GTF3C5: variants seen among roughly 807,000 people sequenced by gnomAD.
GTF3C5 encodes general transcription factor 3C polypeptide 5.
GTF3C5 carries 47 observed loss-of-function variants against 61.0 expected under a neutral mutation model. The ratio of observed to expected loss-of-function variants is 0.77; its 90% CI spans 0.61 to 0.98. The LOEUF (loss-of-function observed/expected upper bound fraction) is 0.98, where lower values mean the gene tolerates loss of function less well. Ranked by LOEUF, GTF3C5 falls within the 50% of genes least tolerant of loss-of-function variation. The pLI is 0.00. For missense variants in GTF3C5, 659 were observed against 703.3 expected (o/e 0.94, Z 0.71); for synonymous variants, 295 against 275.4 (o/e 1.07, Z -0.71).
chr9:133,056,110 G>T lies in GTF3C5; in HGVS notation c.1250+16G>T. 1 of 1,609,946 alleles carries T rather than the reference G, an allele frequency of 6.2e-7. No individual in the cohort carries two copies. Among genetic ancestry groups the T allele is most frequent in the Non-Finnish European group, 8.5e-7 (1 of 1,176,398 alleles). ...ATGTGGAAGAGTACGTATGGGAGGG[G>T]CCCTGAGACACTGAGGGGGGCCCGT... On this transcript the variant is annotated intron_variant, in intron 9 of 10. Transcript: ENST00000372097.
intron 4 of GTF3C5, 113 bp downstream of exon 4, chr9:133,051,091 C>G: frequency 2.7e-6 from 2 of 742,530 alleles, no homozygotes; most frequent in Non-Finnish European, 4.2e-6. Flanking sequence ...TGACCTTTAC[C>G]CATTCCTTAG....
At chr9:133,049,500 G>C (rs1298605525) in intron 3 of GTF3C5, among the ~76,000 whole-genome samples, 1 of 152,158 alleles carries the variant, frequency 6.6e-6, no homozygotes, top group African/African-American at 2.4e-5. Flanking sequence ...CATTTTAAAA[G>C]GTAATGATCA....
chr9:133,031,508 C>T (rs1179522652), intron 1 of GTF3C5, among the ~76,000 whole-genome samples: 10 of 152,094 alleles, frequency 6.6e-5, no homozygotes, highest in Non-Finnish European at 1.3e-4. Context: ...CATGCCACCA[C>T]GCCCGGCTAA....
At chr9:133,051,899 G>T in intron 4 of GTF3C5, 161 bp from the exon 5 acceptor site, 1 of 476,412 alleles carries the variant, frequency 2.1e-6, no homozygotes, top group Non-Finnish European at 3.7e-6. Context: ...ATGAATTAGT[G>T]AGAGCAGGAG....
Position 133,043,785 on chromosome 9 carries a change from C to G in GTF3C5, c.431C>G (p.Ser144Ter). 6.2e-7 allele frequency: 1 copy of G among 1,614,168 alleles called. No individual in the cohort carries two copies. The highest frequency in any genetic ancestry group is 8.5e-7 in the Non-Finnish European group (1 of 1,180,020). The change falls in exon 3 of 11, where the codon TCA (serine) becomes TGA (stop). Residue 144 changes from serine (S) to a stop codon, truncating the protein, a stop_gained. Transcript: ENST00000372097. LOFTEE classifies it high-confidence loss of function. ...VHTEAGGKHT[S>*]MYDKVLMLRP... ...ACGGAAGCAGGCGGCAAGCATACGTCAATGTATGACAAGGTGCTCATGCTC... is the reference window on the plus strand; with the variant it reads ...ACGGAAGCAGGCGGCAAGCATACGTGAATGTATGACAAGGTGCTCATGCTC...
chr9:133,057,851 A>C lies in GTF3C5; in HGVS notation c.1431A>C (p.Lys477Asn). The part of the protein sequence containing the change: ...FSSSAKADGG[K>N]EQLTYESGED... ...GCTCAGCCAAGGCTGATGGCGGAAA[A>C]GAGCAGCTGACGTACGAGTCTGGGG... Residue 477 changes from lysine to asparagine, a missense_variant, in exon 11 of 11, where the codon AAA (lysine) becomes AAC (asparagine). Transcript: ENST00000372097. 6.2e-7 allele frequency: 1 copy of C among 1,612,996 alleles called. No individual in the cohort carries two copies. The highest frequency in any genetic ancestry group is 8.5e-7 in the Non-Finnish European group (1 of 1,179,550).
chr9:133,055,159 C>T (rs1484524738), intron 8 of GTF3C5: 1 of 1,543,168 alleles, frequency 6.5e-7, no homozygotes, highest in East Asian at 2.5e-5. Context: ...CACAGGAGGA[C>T]AGAGCCAGAG....
At chr9:133,036,376 C>A (rs1172190011) in intron 1 of GTF3C5, among the ~76,000 whole-genome samples, 1 of 152,126 alleles carries the variant, frequency 6.6e-6, no homozygotes, top group Non-Finnish European at 1.5e-5. Context: ...GAGGCGTGCT[C>A]ACAACTAAAT....
At position 133,051,972 on chromosome 9, in the gene GTF3C5, C is replaced by T. The variant is rs541045037; in HGVS notation, c.769-88C>T. 163 of 666,972 alleles carry T rather than the reference C, an allele frequency of 2.4e-4. 1 individual carries two copies. In the African/African-American group the frequency reaches 2.7e-3, roughly 11 times the overall value. 41.3% of individuals were successfully genotyped at this position (666,972 alleles called of 1,614,324 possible). ...TCTACCAGCTCCTCTCTGGAGGGGC[C>T]GCTGGGGCCCAGAACATGTTGGGAG... On this transcript the variant is annotated intron_variant, in intron 4 of 10. Transcript: ENST00000372097.
chr9:133,054,268 C>G, intron 6 of GTF3C5, 140 bp from the exon 7 acceptor site: 1 of 680,726 alleles, frequency 1.5e-6, no homozygotes, highest in South Asian at 1.7e-5. Context: ...TTGGTGACCG[C>G]AGTGGCGTGC....
intron 3 of GTF3C5, among the ~76,000 whole-genome samples, chr9:133,049,759 ATG>A (rs765187044): frequency 5.3e-5 from 8 of 152,162 alleles, no homozygotes; most frequent in Non-Finnish European, 8.8e-5. Context: ...TCTGCTTTGT[ATG>A]TGTGTGTATG....
rs150101735 is a variant in GTF3C5, at chr9:133,055,994, C to CT, written c.1168-17dup. 0.024 allele frequency: 38,378 copies of CT among 1,613,964 alleles called. 603 individuals carry two copies. The highest frequency in any genetic ancestry group is 0.029 in the Non-Finnish European group (34,307 of 1,179,862). Reference sequence around the variant, plus strand: ...GCTCTGGCTCACCTTCCCTGTCTCTCTCCCCCTTTGTCACCAGGACTCTGT... The same window carrying CT: ...GCTCTGGCTCACCTTCCCTGTCTCTCTTCCCCCTTTGTCACCAGGACTCTGT... On this transcript the variant is annotated splice_polypyrimidine_tract_variant and intron_variant, in intron 8 of 10. Coordinates refer to ENST00000372097, the MANE Select transcript of GTF3C5 (RefSeq NM_012087.4).
intron 6 of GTF3C5, 97 bp downstream of exon 6, chr9:133,054,039 A>G: frequency 1.2e-6 from 1 of 866,968 alleles, no homozygotes; most frequent in East Asian, 2.6e-5. Context: ...TCATTTGGAA[A>G]GAATAAAAAA....
intron 1 of GTF3C5, among the ~76,000 whole-genome samples, chr9:133,039,611 T>C (rs6597597): frequency 0.11 from 16,526 of 152,084 alleles, 1,914 homozygotes; most frequent in African/African-American, 0.29. Context: ...CCCTAAGTTG[T>C]CCAGGATGGT....
At chr9:133,055,432 ATT>A in intron 8 of GTF3C5, 1 of 1,241,840 alleles carries the variant, frequency 8.1e-7, no homozygotes. Flanking sequence ...GGCCCTGCCT[ATT>A]TTCTAGGTTT....
At chr9:133,034,352 A>G (rs1007717988) in intron 1 of GTF3C5, among the ~76,000 whole-genome samples, 2 of 152,168 alleles carry the variant, frequency 1.3e-5, no homozygotes, top group African/African-American at 2.4e-5. Flanking sequence ...ACTTAACTAC[A>G]TCGGATAGCT....
intron 1 of GTF3C5, among the ~76,000 whole-genome samples, chr9:133,040,957 C>T (rs1172530653): frequency 6.6e-6 from 1 of 152,006 alleles, no homozygotes; most frequent in African/African-American, 2.4e-5. Context: ...TATAATAATC[C>T]TCGCTCTATA....
intron 1 of GTF3C5, among the ~76,000 whole-genome samples, chr9:133,032,307 T>C (rs1158894913): frequency 6.6e-6 from 1 of 152,180 alleles, no homozygotes; most frequent in East Asian, 1.9e-4. Flanking sequence ...GACCACACAA[T>C]CTAAGCTAAT....
At chr9:133,053,324 C>A (rs183500863) in intron 5 of GTF3C5, among the ~76,000 whole-genome samples, 1 of 152,188 alleles carries the variant, frequency 6.6e-6, no homozygotes, top group Non-Finnish European at 1.5e-5. Context: ...ATGGCTCACT[C>A]CTAGAATCCC....
Sources: gnomAD v4.1 joint callset for allele counts (sites outside exome capture counted in the v4.1 genomes callset) on GRCh38, gnomAD v4.1.1 for gene constraint, MANE v1.5 for transcripts, NCBI Gene and HGNC (gene_info 2026-07-23, HGNC 2026-07-21) for gene names.